IGSF10: variants seen among roughly 807,000 people sequenced by gnomAD.
The protein encoded by IGSF10 is calvaria mechanical force protein 608.
IGSF10 carries 126 observed loss-of-function variants against 128.2 expected under a neutral mutation model. That is an observed-to-expected ratio of 0.98 (90% confidence interval 0.85 to 1.14). The LOEUF (loss-of-function observed/expected upper bound fraction) is 1.14. Ranked by LOEUF, IGSF10 falls within the 50% of genes most tolerant of loss-of-function variation. IGSF10 has a pLI of 0.00. For synonymous variants in IGSF10, 1,185 were observed against 1,146.2 expected (o/e 1.03, Z -0.68); for missense variants, 3,295 against 3,149.8 (o/e 1.05, Z -1.10).
At chr3:151,552,687 T>A in the IGSF10 span, among the ~76,000 whole-genome samples, 3 of 152,162 alleles carry the variant, frequency 2.0e-5, no homozygotes, top group Non-Finnish European at 4.4e-5. Flanking sequence ...CTCTCTTATC[T>A]CCTCAGGGGG....
the IGSF10 span, among the ~76,000 whole-genome samples, chr3:151,614,848 G>T: frequency 1.4e-5 from 2 of 147,748 alleles, no homozygotes; most frequent in African/African-American, 5.0e-5. Flanking sequence ...AATAAGAAAA[G>T]GTAAAGTGAA....
the IGSF10 span, among the ~76,000 whole-genome samples, chr3:151,551,088 C>T: frequency 6.6e-6 from 1 of 152,128 alleles, no homozygotes; most frequent in African/African-American, 2.4e-5. Flanking sequence ...AAGGTTTGAC[C>T]TTGTCCTGCC....
chr3:151,446,172 G>C lies in IGSF10; in HGVS notation c.3809C>G (p.Ala1270Gly). ...MQIPSNTLTT[A>G]HHTTTKTHNP... ...GTGTGTTTTGGTCGTAGTGTGGTGA[G>C]CGGTAGTCAAGGTATTAGATGGAAT... is the stretch of plus-strand genomic sequence containing the variant. Residue 1270 changes from alanine (A) to glycine (G), a missense_variant, in exon 6 of 8, where the codon GCT becomes GGT. Physicochemically the swap from Ala to Gly is moderately conservative, Grantham distance 60 (BLOSUM62 0). Coordinates refer to ENST00000282466, the MANE Select transcript of IGSF10 (RefSeq NM_178822.5). The C allele has an allele frequency of 6.2e-7, 1 of 1,614,140 alleles. No homozygotes were observed. Among genetic ancestry groups the C allele is most frequent in the Non-Finnish European group, 8.5e-7 (1 of 1,180,020 alleles).
chr3:151,487,803 TA>T, the IGSF10 span, among the ~76,000 whole-genome samples: 1 of 152,130 alleles, frequency 6.6e-6, no homozygotes, highest in Non-Finnish European at 1.5e-5. Flanking sequence ...AAACTCTCAA[TA>T]AACTAGGCAT....
chr3:151,451,022 C>T (rs958947097), intron 5 of IGSF10, among the ~76,000 whole-genome samples: 6 of 151,912 alleles, frequency 3.9e-5, no homozygotes, highest in African/African-American at 1.5e-4. Context: ...TTAATGAAAC[C>T]TCATCATAGA....
Position 151,445,182 on chromosome 3 carries a change from A to T in IGSF10, c.4799T>A (p.Leu1600Gln). The T allele has an allele frequency of 6.2e-7, 1 of 1,614,246 alleles. No individual in the cohort carries two copies. Among genetic ancestry groups the T allele is most frequent in the Non-Finnish European group, 8.5e-7 (1 of 1,180,046 alleles). Residue 1600 changes from leucine (L) to glutamine (Q), a missense_variant, in exon 6 of 8, where the codon CTG (leucine) becomes CAG (glutamine). By Grantham distance (113) the Leu-to-Gln change is moderately radical. Transcript: ENST00000282466. The stretch of plus-strand genomic sequence containing the variant: ...TGAAACAAGAGTGGTGGCCTCGGAC[A>T]GGCCTGTAGTAGCCAACATGCTTAC... ...PEVSMLATTGLSEATTLVSDW... is the reference protein window; with the variant it reads ...PEVSMLATTGQSEATTLVSDW...
At chr3:151,462,863 G>A (rs1287598956), upstream of IGSF10, among the ~76,000 whole-genome samples, 7 of 152,146 alleles carry the variant, frequency 4.6e-5, no homozygotes, top group South Asian at 6.2e-4. Context: ...AAAAATTCAC[G>A]TGATGTCCAA....
chr3:151,476,439 TATAA>T, the IGSF10 span, among the ~76,000 whole-genome samples: 1 of 152,130 alleles, frequency 6.6e-6, no homozygotes, highest in African/African-American at 2.4e-5. Flanking sequence ...TATAGTCTCC[TATAA>T]ACAGGAAGCA....
chr3:151,512,478 T>C, the IGSF10 span, among the ~76,000 whole-genome samples: 3 of 151,842 alleles, frequency 2.0e-5, no homozygotes, highest in Non-Finnish European at 4.4e-5. Context: ...TATCGGGAAG[T>C]TTATAGCATT....
At chr3:151,591,137 A>C in the IGSF10 span, among the ~76,000 whole-genome samples, 1 of 152,140 alleles carries the variant, frequency 6.6e-6, no homozygotes. Context: ...TCTCATTCCC[A>C]AAATGTCAGA....
the IGSF10 span, among the ~76,000 whole-genome samples, chr3:151,568,403 C>T: frequency 2.0e-5 from 3 of 152,004 alleles, no homozygotes; most frequent in Non-Finnish European, 4.4e-5. Flanking sequence ...ATTTAATTAT[C>T]GGTATTACAA....
chr3:151,611,781 T>C, the IGSF10 span, among the ~76,000 whole-genome samples: 1 of 152,178 alleles, frequency 6.6e-6, no homozygotes, highest in East Asian at 1.9e-4. Flanking sequence ...TTTTGCTGCT[T>C]GTATTTTAAC....
At chr3:151,617,270 T>TCTTCTTCTC in the IGSF10 span, among the ~76,000 whole-genome samples, 2 of 68,794 alleles carry the variant, frequency 2.9e-5, no homozygotes, top group African/African-American at 1.1e-4. Context: ...CTCTTCTTCT[T>TCTTCTTCTC]CTTCTTCTTC....
chr3:151,563,197 C>T, the IGSF10 span, among the ~76,000 whole-genome samples: 66 of 152,208 alleles, frequency 4.3e-4, 1 homozygote, highest in Middle Eastern at 6.8e-3. Flanking sequence ...CCCTGCGGCC[C>T]TCTAGGAGAG....
the IGSF10 span, among the ~76,000 whole-genome samples, chr3:151,604,315 T>C: frequency 0.12 from 17,591 of 152,170 alleles, 1,264 homozygotes; most frequent in Non-Finnish European, 0.16. Flanking sequence ...TTCAATCTAG[T>C]ATTTATATCC....
chr3:151,491,102 G>C, the IGSF10 span, among the ~76,000 whole-genome samples: 1 of 152,074 alleles, frequency 6.6e-6, no homozygotes, highest in East Asian at 1.9e-4. Flanking sequence ...CAAACCCTTA[G>C]CTAGTCTAAG....
chr3:151,604,624 C>T, the IGSF10 span, among the ~76,000 whole-genome samples: 10 of 134,566 alleles, frequency 7.4e-5, no homozygotes, highest in South Asian at 2.2e-4. Flanking sequence ...CACACACACA[C>T]ACATATATAT....
At chr3:151,435,653 A>G (rs574945584), downstream of IGSF10, 2 of 152,258 alleles carry the variant, frequency 1.3e-5, no homozygotes, top group African/African-American at 4.8e-5. Flanking sequence ...ATGTTTGAAT[A>G]GATGCTGGAG....
the IGSF10 span, among the ~76,000 whole-genome samples, chr3:151,572,326 T>C: frequency 6.6e-6 from 1 of 152,248 alleles, no homozygotes; most frequent in South Asian, 2.1e-4. Flanking sequence ...TCTGGTAGAA[T>C]TCGGCTGTGA....
Sources: allele counts gnomAD v4.1 joint callset (sites outside exome capture counted in the v4.1 genomes callset), GRCh38; gene constraint gnomAD v4.1.1; transcripts MANE v1.5; gene names NCBI Gene and HGNC (gene_info 2026-07-23, HGNC 2026-07-21).